PCNX2: variants seen among roughly 807,000 people sequenced by gnomAD.
PCNX2 encodes the protein pecanex 2.
In PCNX2, 168 loss-of-function variants were observed where a neutral mutation model predicts 223.8. That is an observed-to-expected ratio of 0.75 (90% CI 0.66 to 0.85). The LOEUF is 0.85. Among genes scored for constraint, PCNX2 ranks in the 40% least tolerant of loss-of-function variants. The pLI, the probability that PCNX2 is intolerant of heterozygous loss-of-function variation, is 0.00. For synonymous variants in PCNX2, 1,006 were observed against 1,052.6 expected, an observed-to-expected ratio of 0.96 and a Z score of 0.86; for missense variants, 2,507 against 2,675.5, an observed-to-expected ratio of 0.94 and a Z score of 1.39.
chr1:233,250,568 T>A, intron 8 of PCNX2, 171 bp downstream of exon 8: 3 of 985,364 alleles, frequency 3.0e-6, no homozygotes, highest in Non-Finnish European at 3.6e-6. Flanking sequence ...CATTTATTTT[T>A]CATTATTTCA....
At chr1:233,198,583 T>C (rs1680872167) in intron 15 of PCNX2, among the ~76,000 whole-genome samples, 1 of 152,228 alleles carries the variant, frequency 6.6e-6, no homozygotes, top group Non-Finnish European at 1.5e-5. Flanking sequence ...CTTTAAGCAA[T>C]TGTATTCCTT....
the PCNX2 span, among the ~76,000 whole-genome samples, chr1:233,300,771 G>C: frequency 6.6e-6 from 1 of 152,138 alleles, no homozygotes; most frequent in African/African-American, 2.4e-5. Context: ...GCAGTCTAGA[G>C]CCCTGGACAA....
Position 232,986,346 on chromosome 1 carries a change from A to AGTGCAGGGACGTGGCCGAGGC in PCNX2, c.5965_5985dup (p.Ala1989_His1995dup). 1 of 1,599,144 alleles carries AGTGCAGGGACGTGGCCGAGGC rather than the reference A, an allele frequency of 6.3e-7. No homozygotes were observed. The highest frequency in any genetic ancestry group is 8.5e-7 in the Non-Finnish European group (1 of 1,173,284). On this transcript the variant is annotated inframe_insertion, in exon 33 of 34. Transcript: ENST00000258229. ...GTGGTGGTGACGGGCGGGGGCTGAG[A>AGTGCAGGGACGTGGCCGAGGC]GTGCAGGGACGTGGCCGAGGCGTGC...
chr1:233,250,427 A>G, intron 8 of PCNX2: 1 of 534,552 alleles, frequency 1.9e-6, no homozygotes, highest in Non-Finnish European at 2.4e-6. Flanking sequence ...GACAAATTTA[A>G]TAATGTGTTT....
At chr1:233,120,031 G>T (rs894666543) in intron 21 of PCNX2, among the ~76,000 whole-genome samples, 1 of 151,628 alleles carries the variant, frequency 6.6e-6, no homozygotes, top group Non-Finnish European at 1.5e-5. Context: ...GCCAGGCGTG[G>T]TTGCACGCGC....
At chr1:233,123,492 G>A (rs1349464949) in intron 21 of PCNX2, among the ~76,000 whole-genome samples, 1 of 151,870 alleles carries the variant, frequency 6.6e-6, no homozygotes, top group Non-Finnish European at 1.5e-5. Flanking sequence ...TGAGGCAGGA[G>A]AATCACTTGA....
intron 21 of PCNX2, among the ~76,000 whole-genome samples, chr1:233,120,164 C>CAAAAAAAAAAAAAAAAAAAAAAAAAAA (rs1228898502): frequency 2.8e-4 from 12 of 42,602 alleles, no homozygotes; most frequent in East Asian, 1.5e-3. Context: ...GACTCCATTT[C>CAAAAAAAAAAAAAAAAAAAAAAAAAAA]AAAAAAAAAA....
intron 23 of PCNX2, among the ~76,000 whole-genome samples, chr1:233,083,354 A>G (rs1309307067): frequency 1.3e-5 from 2 of 152,174 alleles, no homozygotes. Flanking sequence ...TGTAGGACTC[A>G]GCGTCTTGAT....
At chr1:232,997,871 C>T (rs967907201) in intron 32 of PCNX2, among the ~76,000 whole-genome samples, 3 of 152,018 alleles carry the variant, frequency 2.0e-5, no homozygotes, top group African/African-American at 7.3e-5. Context: ...TTTGTGTGCC[C>T]CACGGACACT....
chr1:233,137,882 G>C (rs1158342234), intron 20 of PCNX2, among the ~76,000 whole-genome samples: 1 of 152,156 alleles, frequency 6.6e-6, no homozygotes, highest in Non-Finnish European at 1.5e-5. Flanking sequence ...CTAGTGGTTT[G>C]CTATTGAAAA....
intron 15 of PCNX2, chr1:233,181,197 GA>G (rs1679780504): frequency 6.8e-6 from 1 of 146,710 alleles, no homozygotes. Flanking sequence ...TCAAGTTGCT[GA>G]CTTTTTTTTT....
At chr1:233,054,895 T>G (rs1672134871) in intron 24 of PCNX2, among the ~76,000 whole-genome samples, 1 of 152,172 alleles carries the variant, frequency 6.6e-6, no homozygotes. Context: ...TTGTGTAGGG[T>G]AAAATTCATC....
At position 233,262,248 on chromosome 1, in the gene PCNX2, T is replaced by C. The variant is rs1397807102; in HGVS notation, c.360-83A>G. The stretch of plus-strand genomic sequence containing the variant: ...CTCTTTTAGTACTAGTCTAAAAACT[T>C]TTTTTCCTAGAGTCCATTTTGTTAT... On this transcript the variant is annotated intron_variant, in intron 2 of 33. Transcript: ENST00000258229. The C allele has an allele frequency of 8.4e-6, 13 of 1,539,548 alleles. No individual in the cohort carries two copies. In the Admixed American group the frequency reaches 1.4e-4, roughly 17 times the overall value.
At chr1:233,078,675 C>T (rs1673209504) in intron 23 of PCNX2, among the ~76,000 whole-genome samples, 1 of 152,282 alleles carries the variant, frequency 6.6e-6, no homozygotes, top group East Asian at 1.9e-4. Context: ...GCAGCTGGCA[C>T]GTTCAACGCT....
chr1:233,097,045 T>C (rs919413384), intron 21 of PCNX2, among the ~76,000 whole-genome samples: 6 of 152,106 alleles, frequency 3.9e-5, no homozygotes, highest in African/African-American at 1.4e-4. Flanking sequence ...GAGAAAAACT[T>C]TAAAGTAGAA....
At chr1:233,311,437 ATGTT>A in the PCNX2 span, among the ~76,000 whole-genome samples, 1 of 152,202 alleles carries the variant, frequency 6.6e-6, no homozygotes, top group East Asian at 1.9e-4. Flanking sequence ...GCGGGGAGAA[ATGTT>A]TGTTTATATG....
chr1:233,311,074 T>C, the PCNX2 span, among the ~76,000 whole-genome samples: 5 of 152,230 alleles, frequency 3.3e-5, no homozygotes, highest in Non-Finnish European at 7.3e-5. Context: ...GGTCTCTGAC[T>C]ATGAGGAGAA....
chr1:233,074,788 G>A (rs1673021218), intron 23 of PCNX2, among the ~76,000 whole-genome samples: 1 of 151,968 alleles, frequency 6.6e-6, no homozygotes, highest in African/African-American at 2.4e-5. Context: ...TCACTGAAGA[G>A]ACTATAGAGA....
At chr1:233,100,224 C>A (rs1674408174) in intron 21 of PCNX2, among the ~76,000 whole-genome samples, 1 of 152,058 alleles carries the variant, frequency 6.6e-6, no homozygotes, top group South Asian at 2.1e-4. Context: ...AACAGCCTGG[C>A]CAATGTGGTG....
Sources: allele counts gnomAD v4.1 joint callset (sites outside exome capture counted in the v4.1 genomes callset), GRCh38; gene constraint gnomAD v4.1.1; transcripts MANE v1.5; gene names NCBI Gene and HGNC (gene_info 2026-07-23, HGNC 2026-07-21).